The following DNAH6 variants were observed in gnomAD, a reference collection of about 807,000 sequenced individuals.
DNAH6 encodes the protein dynein axonemal heavy chain 6.
Under a neutral mutation model 491.4 loss-of-function variants are expected in DNAH6, and 340 were observed. The ratio of observed to expected loss-of-function variants is 0.69; its 90% CI spans 0.63 to 0.76. The LOEUF (loss-of-function observed/expected upper bound fraction) is 0.76. Ranked by LOEUF, DNAH6 falls within the 30% of genes least tolerant of loss-of-function variation. The pLI, the probability that DNAH6 is intolerant of heterozygous loss-of-function variation, is 0.00. For synonymous variants in DNAH6, 1,603 were observed against 1,686.1 expected, an observed-to-expected ratio of 0.95 and a Z score of 1.21; for missense variants, 4,443 against 4,972.2, an observed-to-expected ratio of 0.89 and a Z score of 3.20.
At chr2:84,713,317 C>G in intron 57 of DNAH6, 58 bp downstream of exon 57, 4 of 1,509,218 alleles carry the variant, frequency 2.7e-6, no homozygotes, top group Non-Finnish European at 3.6e-6. Flanking sequence ...TGTAATGAAT[C>G]TCTGAAGTTT....
At chr2:84,694,501 T>C in intron 46 of DNAH6, 21 bp downstream of exon 46, 1 of 1,526,098 alleles carries the variant, frequency 6.6e-7, no homozygotes, top group East Asian at 2.5e-5. Context: ...AAATAGCCCA[T>C]GGGTGAGAAC....
chr2:84,662,817 C>T (rs1224448060), intron 37 of DNAH6, among the ~76,000 whole-genome samples: 1 of 152,204 alleles, frequency 6.6e-6, no homozygotes, highest in Non-Finnish European at 1.5e-5. Flanking sequence ...TAAGTGGGTC[C>T]TTGAACCCTG....
At chr2:84,779,434 T>C (rs565556178) in intron 64 of DNAH6, among the ~76,000 whole-genome samples, 7 of 152,310 alleles carry the variant, frequency 4.6e-5, no homozygotes, top group Non-Finnish European at 1.0e-4. Flanking sequence ...AATTTAGTCT[T>C]ATTTCTACAA....
intron 50 of DNAH6, among the ~76,000 whole-genome samples, 177 bp from the exon 51 acceptor site, chr2:84,703,890 A>G (rs913356449): frequency 6.6e-6 from 1 of 152,342 alleles, no homozygotes; most frequent in African/African-American, 2.4e-5. Flanking sequence ...GTTTATATTC[A>G]TTATGCTATT....
chr2:84,507,599 C>G, the DNAH6 span, among the ~76,000 whole-genome samples: 1 of 152,102 alleles, frequency 6.6e-6, no homozygotes, highest in African/African-American at 2.4e-5. Flanking sequence ...ACTTCCAACA[C>G]TATGTTGAAT....
At chr2:84,709,838 C>T (rs1271643122) in intron 55 of DNAH6, among the ~76,000 whole-genome samples, 1 of 152,160 alleles carries the variant, frequency 6.6e-6, no homozygotes, top group Non-Finnish European at 1.5e-5. Context: ...CACAGATCTT[C>T]ATTCTTCTGT....
intron 75 of DNAH6, among the ~76,000 whole-genome samples, 173 bp from the exon 76 acceptor site, chr2:84,815,688 A>AT (rs888453484): frequency 9.2e-5 from 14 of 152,150 alleles, no homozygotes; most frequent in African/African-American, 2.2e-4. Context: ...TTATTATTAC[A>AT]TTTTTTTGCC....
chr2:84,511,668 G>A (rs886275308), upstream of DNAH6, among the ~76,000 whole-genome samples: 37 of 152,264 alleles, frequency 2.4e-4, no homozygotes, highest in African/African-American at 8.4e-4. Context: ...TATCGCTCAC[G>A]CTGGGAGCTA....
At chr2:84,818,484 C>CAAAAA (rs59242387) in intron 76 of DNAH6, among the ~76,000 whole-genome samples, 4 of 63,844 alleles carry the variant, frequency 6.3e-5, no homozygotes, top group Non-Finnish European at 1.2e-4. Flanking sequence ...GACCCTATCT[C>CAAAAA]AAAAAAAAAA....
the DNAH6 span, among the ~76,000 whole-genome samples, chr2:84,485,804 C>T: frequency 6.6e-6 from 1 of 151,728 alleles, no homozygotes; most frequent in East Asian, 1.9e-4. Flanking sequence ...TTGGGATCTT[C>T]CACCCTCTCC....
intron 16 of DNAH6, 53 bp from the exon 17 acceptor site, chr2:84,593,919 G>T: frequency 9.7e-7 from 1 of 1,032,030 alleles, no homozygotes; most frequent in Non-Finnish European, 1.4e-6. Flanking sequence ...AATAGCATAT[G>T]CTCATTATAT....
At chr2:84,699,859 C>A in intron 48 of DNAH6, 125 bp downstream of exon 48, 2 of 889,744 alleles carry the variant, frequency 2.2e-6, no homozygotes, top group Non-Finnish European at 3.2e-6. Context: ...GGAATTTATT[C>A]ATATAGAGAA....
At chr2:84,577,842 A>C (rs1682617337) in intron 13 of DNAH6, among the ~76,000 whole-genome samples, 1 of 152,230 alleles carries the variant, frequency 6.6e-6, no homozygotes. Context: ...TTCTGTAATA[A>C]GTTTCAGAAC....
At chr2:84,642,929 A>T (rs1275224196) in intron 33 of DNAH6, among the ~76,000 whole-genome samples, 2 of 152,170 alleles carry the variant, frequency 1.3e-5, no homozygotes, top group Non-Finnish European at 2.9e-5. Context: ...TAAGAAAAAT[A>T]AAAATTTTCA....
chr2:84,618,598 C>A (rs911354570), intron 23 of DNAH6, among the ~76,000 whole-genome samples: 4 of 148,890 alleles, frequency 2.7e-5, no homozygotes, highest in Non-Finnish European at 4.4e-5. Context: ...GTAAAAAGGA[C>A]CCGTGATTGG....
At chr2:84,561,734 T>A (rs1466803929) in intron 11 of DNAH6, among the ~76,000 whole-genome samples, 1 of 152,052 alleles carries the variant, frequency 6.6e-6, no homozygotes, top group Non-Finnish European at 1.5e-5. Flanking sequence ...GGGCAAAGGA[T>A]ATGAACAGAC....
chr2:84,525,587 A>T lies in DNAH6; in HGVS notation c.248A>T (p.Asp83Val). The change falls in exon 3 of 77, where the codon GAT (aspartate) becomes GTT (valine). Residue 83 changes from aspartate to valine, a missense_variant. Transcript: ENST00000389394. ...EPLPVLKVYQ[D>V]HKQPEYIHEQ... ...AAGCCAGTGCTAAAAGTCTACCAAGATCATAAGCAGCCAGAATACATACAT... is the reference window on the plus strand; with the variant it reads ...AAGCCAGTGCTAAAAGTCTACCAAGTTCATAAGCAGCCAGAATACATACAT... The T allele has an allele frequency of 6.5e-7, 1 of 1,547,242 alleles. No homozygotes were observed. Among genetic ancestry groups the T allele is most frequent in the Non-Finnish European group, 8.7e-7 (1 of 1,145,508 alleles).
intron 2 of DNAH6, among the ~76,000 whole-genome samples, chr2:84,524,880 C>G (rs923399475): frequency 1.1e-4 from 16 of 152,154 alleles, no homozygotes; most frequent in Middle Eastern, 3.4e-3. Flanking sequence ...CAACAGCTAG[C>G]CTTTTCCTTT....
At chr2:84,750,554 A>G (rs146257609) in intron 63 of DNAH6, among the ~76,000 whole-genome samples, 36 of 152,256 alleles carry the variant, frequency 2.4e-4, no homozygotes, top group African/African-American at 8.2e-4. Flanking sequence ...GGATAAGATC[A>G]TATGACGCCT....
Sources: allele counts gnomAD v4.1 joint callset (sites outside exome capture counted in the v4.1 genomes callset), GRCh38; gene constraint gnomAD v4.1.1; transcripts MANE v1.5; gene names NCBI Gene and HGNC (gene_info 2026-07-23, HGNC 2026-07-21).